The following SGCD variants were observed in gnomAD, a reference collection of about 807,000 sequenced individuals.
SGCD encodes delta-sarcoglycan.
Under a neutral mutation model 36.6 loss-of-function variants are expected in SGCD, and 18 were observed. That is an observed-to-expected ratio of 0.49 (90% CI 0.34 to 0.73). The LOEUF is 0.73. Ranked by LOEUF, SGCD falls within the 30% of genes least tolerant of loss-of-function variation. The pLI is 0.01. For synonymous variants in SGCD, 133 were observed against 130.6 expected (o/e 1.02, Z -0.12); for missense variants, 387 against 346.7 (o/e 1.12, Z -0.92).
intron 4 of SGCD, among the ~76,000 whole-genome samples, chr5:156,511,461 A>G (rs1377925770): frequency 6.6e-6 from 1 of 152,156 alleles, no homozygotes; most frequent in Non-Finnish European, 1.5e-5. Context: ...AAAATGTCAA[A>G]TCGCTCCACC....
At chr5:156,050,630 C>T (rs1759892681) in intron 1 of SGCD, among the ~76,000 whole-genome samples, 1 of 146,402 alleles carries the variant, frequency 6.8e-6, no homozygotes, top group Non-Finnish European at 1.5e-5. Context: ...TAAAGCACCA[C>T]AAATGCAGTG....
intron 3 of SGCD, among the ~76,000 whole-genome samples, chr5:156,303,459 G>C (rs1014663055): frequency 1.3e-5 from 2 of 151,972 alleles, no homozygotes; most frequent in African/African-American, 2.4e-5. Flanking sequence ...AGCCCACTTA[G>C]TAATCTACCC....
chr5:156,017,092 C>G (rs1186834996), intron 1 of SGCD, among the ~76,000 whole-genome samples: 1 of 152,116 alleles, frequency 6.6e-6, no homozygotes, highest in African/African-American at 2.4e-5. Context: ...ATGTGGCCAA[C>G]TAATGGTTGG....
intron 3 of SGCD, among the ~76,000 whole-genome samples, chr5:156,317,411 C>G (rs1767547461): frequency 6.6e-6 from 1 of 152,030 alleles, no homozygotes; most frequent in Admixed American, 6.6e-5. Flanking sequence ...AGACAATAAT[C>G]CAGACTGCCA....
intron 1 of SGCD, among the ~76,000 whole-genome samples, chr5:156,114,599 C>A (rs944084322): frequency 6.6e-6 from 1 of 152,112 alleles, no homozygotes; most frequent in Non-Finnish European, 1.5e-5. Flanking sequence ...ATAAGCCTTT[C>A]TCCTCTCATC....
chr5:156,498,956 G>A (rs200564414), intron 3 of SGCD, among the ~76,000 whole-genome samples: 2 of 146,312 alleles, frequency 1.4e-5, no homozygotes, highest in Non-Finnish European at 3.1e-5. Flanking sequence ...GTGTGTGTGT[G>A]TGTGTGTATG....
intron 1 of SGCD, among the ~76,000 whole-genome samples, chr5:156,002,517 C>T (rs1253839778): frequency 2.0e-5 from 3 of 152,224 alleles, no homozygotes; most frequent in Non-Finnish European, 4.4e-5. Flanking sequence ...AGAGAGGCAC[C>T]TCTTACATTC....
At chr5:156,497,216 C>A (rs1349742454) in intron 3 of SGCD, among the ~76,000 whole-genome samples, 1 of 148,932 alleles carries the variant, frequency 6.7e-6, no homozygotes, top group Non-Finnish European at 1.5e-5. Flanking sequence ...TGCGTGTGTT[C>A]TTCTGTTATT....
the SGCD span, among the ~76,000 whole-genome samples, chr5:155,748,570 T>C: frequency 2.6e-5 from 4 of 152,162 alleles, no homozygotes; most frequent in Non-Finnish European, 5.9e-5. Flanking sequence ...GTCAGAGTTT[T>C]GATTTACATT....
chr5:155,744,957 C>T, the SGCD span, among the ~76,000 whole-genome samples: 1,381 of 152,172 alleles, frequency 9.1e-3, 13 homozygotes, highest in Non-Finnish European at 0.016. Context: ...ATACAAACCA[C>T]AAAGAGGAGG....
the SGCD span, among the ~76,000 whole-genome samples, chr5:155,786,823 G>A: frequency 1.3e-5 from 2 of 152,192 alleles, no homozygotes; most frequent in African/African-American, 4.8e-5. Flanking sequence ...GGCTGAATGA[G>A]AATTAGGGAG....
chr5:155,755,123 G>A, the SGCD span, among the ~76,000 whole-genome samples: 1 of 152,166 alleles, frequency 6.6e-6, no homozygotes, highest in African/African-American at 2.4e-5. Flanking sequence ...AGAATATGGT[G>A]CATTTTCTTT....
At chr5:155,745,198 T>C in the SGCD span, among the ~76,000 whole-genome samples, 6 of 152,222 alleles carry the variant, frequency 3.9e-5, no homozygotes, top group East Asian at 9.6e-4. Context: ...TTGTAGAGAC[T>C]GCACTTACAA....
chr5:156,114,106 GA>G (rs1175430376), intron 1 of SGCD, among the ~76,000 whole-genome samples: 1 of 152,080 alleles, frequency 6.6e-6, no homozygotes, highest in Non-Finnish European at 1.5e-5. Context: ...AAAACCCATA[GA>G]AGGCACAACA....
rs920761946 is a variant in SGCD at position 156,141,876 on chromosome 5, A to G, written c.-44+17857A>G. On this transcript the variant is annotated intron_variant, in intron 3 of 9. Transcript: ENST00000517913. ...GAAATAATCTTCAAACTAGTATCAA[A>G]CTTTTTATCAACAATACTAGAGGCA... Among the ~76,000 whole-genome samples the G allele has an allele frequency of 3.3e-5, 5 of 152,316 alleles. No homozygotes were observed. In the East Asian group the frequency reaches 9.6e-4, roughly 29 times the overall value.
chr5:156,725,349 T>A (rs528746196), intron 7 of SGCD, among the ~76,000 whole-genome samples: 3 of 152,340 alleles, frequency 2.0e-5, no homozygotes, highest in Admixed American at 6.5e-5. Flanking sequence ...TCTGAGGTTC[T>A]ATGATTTATT....
At chr5:155,738,870 C>T in the SGCD span, among the ~76,000 whole-genome samples, 26 of 115,476 alleles carry the variant, frequency 2.3e-4, no homozygotes, top group African/African-American at 8.0e-4. Flanking sequence ...TGTGTGAGTG[C>T]GTGTGAGAGA....
At chr5:156,259,160 T>C (rs188286187) in intron 3 of SGCD, among the ~76,000 whole-genome samples, 335 of 150,086 alleles carry the variant, frequency 2.2e-3, no homozygotes, top group African/African-American at 7.7e-3. Context: ...ATTTTAACCA[T>C]CCTTGAGGGT....
intron 1 of SGCD, among the ~76,000 whole-genome samples, chr5:156,046,489 T>C (rs188040275): frequency 5.3e-5 from 8 of 152,310 alleles, no homozygotes; most frequent in Middle Eastern, 3.4e-3. Flanking sequence ...CAAAAGTGTG[T>C]GCTCACTTTG....
Sources: gnomAD v4.1 joint callset for allele counts (sites outside exome capture counted in the v4.1 genomes callset) on GRCh38, gnomAD v4.1.1 for gene constraint, MANE v1.5 for transcripts, NCBI Gene and HGNC (gene_info 2026-07-23, HGNC 2026-07-21) for gene names.